PCDHGA4: variants seen among roughly 807,000 people sequenced by gnomAD.
PCDHGA4 encodes protocadherin gamma-A4.
Under a neutral mutation model 54.6 loss-of-function variants are expected in PCDHGA4, and 38 were observed. The observed-to-expected ratio is 0.70, with a 90% CI of 0.54 to 0.91. The LOEUF is 0.91. Ranked by LOEUF, PCDHGA4 falls within the 40% of genes least tolerant of loss-of-function variation. PCDHGA4 has a pLI of 0.00. For synonymous variants in PCDHGA4, 511 were observed against 512.9 expected (o/e 1.00, Z 0.05); for missense variants, 1,298 against 1,220.9 (o/e 1.06, Z -0.94).
At chr5:141,423,497 A>G in intron 1 of PCDHGA4, 4 of 1,613,940 alleles carry the variant, frequency 2.5e-6, no homozygotes, top group Non-Finnish European at 3.4e-6. Flanking sequence ...TATTCCCACG[A>G]GGTCTCTCTC....
At chr5:141,441,948 G>A in intron 1 of PCDHGA4, 1 of 332,472 alleles carries the variant, frequency 3.0e-6, no homozygotes, top group Non-Finnish European at 5.8e-6. Flanking sequence ...ACGTGCTGCA[G>A]GCCAGCAAGC....
At chr5:141,427,422 G>C (rs922637577) in intron 1 of PCDHGA4, 1 of 468,292 alleles carries the variant, frequency 2.1e-6, no homozygotes, top group Non-Finnish European at 4.3e-6. Context: ...AAATGGGGAG[G>C]TTACATGCCT....
At position 141,372,540 on chromosome 5, in the gene PCDHGA4, C is replaced by G. The variant is rs1208837944; in HGVS notation, c.2514+14919C>G. On this transcript the variant is annotated intron_variant, in intron 1 of 3. Transcript: ENST00000571252. Reference sequence around the variant, plus strand: ...GATTCTGGCAATCTCCCTGCGCCTGCGATGCTCCTCCAGACCCGCCACTGA... The same window carrying G: ...GATTCTGGCAATCTCCCTGCGCCTGGGATGCTCCTCCAGACCCGCCACTGA... The G allele has an allele frequency of 1.9e-6, 3 of 1,614,012 alleles. No homozygotes were observed. The highest frequency in any genetic ancestry group is 3.3e-5 in the Admixed American group (2 of 60,026).
intron 1 of PCDHGA4, chr5:141,403,959 C>T (rs1415465011): frequency 2.5e-6 from 4 of 1,613,568 alleles, no homozygotes; most frequent in Non-Finnish European, 3.4e-6. Context: ...GTGCTCATTT[C>T]GGTGGAAGAT....
At position 141,399,013 on chromosome 5, in the gene PCDHGA4, G is replaced by A. The variant is rs145783835; in HGVS notation, c.2514+41392G>A. 9.5e-3 allele frequency: 15,345 copies of A among 1,613,900 alleles called. 158 individuals are homozygous for A. Among genetic ancestry groups the A allele is most frequent in the South Asian group, 0.02 (1,850 of 91,076 alleles). On this transcript the variant is annotated intron_variant, in intron 1 of 3. Coordinates refer to ENST00000571252, the MANE Select transcript of PCDHGA4 (RefSeq NM_018917.4). ...CTTTAGTCTGAATTCAAAGAGCGGA[G>A]AAATTACCACTCAAAAGAAACTGGA...
At position 141,431,435 on chromosome 5, in the gene PCDHGA4, G is replaced by A. The variant is rs376827063; in HGVS notation, c.2515-63372G>A. ...GGGCGACCCGGTGCGCACAGGCACC[G>A]CGCGCATCCGCGTGATGGTTCTGGA... On this transcript the variant is annotated intron_variant, in intron 1 of 3. Coordinates refer to ENST00000571252, the MANE Select transcript of PCDHGA4 (RefSeq NM_018917.4). The surrounding 1 kb of genome is among the most constrained non-coding windows in gnomAD (Gnocchi z 4.8). 2.5e-6 allele frequency: 4 copies of A among 1,613,550 alleles called. No homozygotes were observed. Among genetic ancestry groups the A allele is most frequent in the Non-Finnish European group, 3.4e-6 (4 of 1,180,034 alleles).
intron 2 of PCDHGA4, among the ~76,000 whole-genome samples, chr5:141,502,496 C>T (rs934563545): frequency 2.0e-5 from 3 of 152,178 alleles, no homozygotes; most frequent in Admixed American, 6.5e-5. Context: ...ACTCATCTAA[C>T]GTCGGCCTGT....
At chr5:141,482,458 C>T (rs986628162) in intron 1 of PCDHGA4, among the ~76,000 whole-genome samples, 1 of 147,624 alleles carries the variant, frequency 6.8e-6, no homozygotes, top group Non-Finnish European at 1.5e-5. Context: ...ATTAGCATCC[C>T]TATGTGCCAG....
At chr5:141,500,667 TC>T (rs1032555959) in intron 2 of PCDHGA4, among the ~76,000 whole-genome samples, 26 of 152,194 alleles carry the variant, frequency 1.7e-4, no homozygotes, top group African/African-American at 6.0e-4. Flanking sequence ...GGCCATACTG[TC>T]CAACAGAATT....
At position 141,432,908 on chromosome 5, in the gene PCDHGA4, C is replaced by A. The variant is rs757934634; in HGVS notation, c.2515-61899C>A. On this transcript the variant is annotated intron_variant, in intron 1 of 3. Coordinates refer to ENST00000571252, the MANE Select transcript of PCDHGA4 (RefSeq NM_018917.4). This position sits in a 1 kb window ranked among gnomAD's most constrained non-coding sequence, Gnocchi z 6.0. ...CATCTTGCTGCTGGCGCTCAGGCTGCGGCGCTGGCACAAGTCACGCCTGCT... is the reference window on the plus strand; with the variant it reads ...CATCTTGCTGCTGGCGCTCAGGCTGAGGCGCTGGCACAAGTCACGCCTGCT... The A allele has an allele frequency of 1.6e-5, 26 of 1,614,168 alleles. No individual in the cohort carries two copies. Among genetic ancestry groups the A allele is most frequent in the Middle Eastern group, 1.7e-4 (1 of 6,060 alleles).
chr5:141,433,367 C>CTATA, intron 1 of PCDHGA4: 2 of 549,818 alleles, frequency 3.6e-6, no homozygotes, highest in South Asian at 4.5e-5. Flanking sequence ...GCCTATCTAT[C>CTATA]TATCTATCTA....
Position 141,415,740 on chromosome 5 carries a change from G to GTTTTTT in PCDHGA4, c.2514+58146_2514+58151dup, listed in dbSNP as rs57426385. ...TGAGTAGAATTTGATGTTTATTAAGGTTTTTTTTTTTTTTTTTTTTTTTTT... is the reference window on the plus strand; with the variant it reads ...TGAGTAGAATTTGATGTTTATTAAGGTTTTTTTTTTTTTTTTTTTTTTTTTTTTTTT... On this transcript the variant is annotated intron_variant, in intron 1 of 3. Transcript: ENST00000571252. 6.6e-4 allele frequency: 412 copies of GTTTTTT among 624,836 alleles called. 3 individuals carry two copies. The highest frequency in any genetic ancestry group is 1.2e-3 in the African/African-American group (49 of 39,912). The allele number at this position is 624,836 out of a possible 1,614,324, so 38.7% of individuals were successfully genotyped here.
In PCDHGA4 at chr5:141,511,188, C is replaced by A; in HGVS notation, c.*15C>A. 1 of 1,613,804 alleles carries A rather than the reference C, an allele frequency of 6.2e-7. No homozygotes were observed. ...AGAAGAAGTAACATGGAGGCCAGGC[C>A]AAGAGCCACAGGGCGGCCTCTCCCC... On this transcript the variant is annotated 3_prime_UTR_variant, in exon 4 of 4. Transcript: ENST00000571252.
intron 1 of PCDHGA4, chr5:141,422,942 G>C (rs199976232): frequency 6.2e-7 from 1 of 1,614,214 alleles, no homozygotes; most frequent in East Asian, 2.2e-5. Flanking sequence ...CCCACAGACG[G>C]CTCCACTGGC....
chr5:141,451,497 G>T (rs2098717489), intron 1 of PCDHGA4, among the ~76,000 whole-genome samples: 1 of 152,214 alleles, frequency 6.6e-6, no homozygotes, highest in Admixed American at 6.5e-5. Flanking sequence ...CCTCCATAGG[G>T]CAACCAGCTT....
chr5:141,416,699 T>C (rs1232694721), intron 1 of PCDHGA4: 1 of 152,092 alleles, frequency 6.6e-6, no homozygotes, highest in Non-Finnish European at 1.5e-5. Context: ...AAACAAAGGA[T>C]CATTGGAGGT....
chr5:141,384,530 G>A, intron 1 of PCDHGA4: 6 of 1,614,238 alleles, frequency 3.7e-6, no homozygotes, highest in Non-Finnish European at 5.1e-6. Flanking sequence ...CCTCTCAGCA[G>A]CAACATGTCA....
chr5:141,500,989 C>T (rs779352768), intron 2 of PCDHGA4, among the ~76,000 whole-genome samples: 1 of 152,040 alleles, frequency 6.6e-6, no homozygotes, highest in Non-Finnish European at 1.5e-5. Context: ...CTGCCTCAGC[C>T]TCCTGAGTAG....
In PCDHGA4 at chr5:141,476,336, C is replaced by A; in HGVS notation, c.2515-18471C>A. 18 of 1,614,008 alleles carry A rather than the reference C, an allele frequency of 1.1e-5. No homozygotes were observed. Among genetic ancestry groups the A allele is most frequent in the Non-Finnish European group, 1.5e-5 (18 of 1,180,008 alleles). ...GTTCCGGGTGGTGTCTGGAGCTAGC[C>A]GAAGATTCTTTGAGGTGAACCGGGA... On this transcript the variant is annotated intron_variant, in intron 1 of 3. Coordinates refer to ENST00000571252, the MANE Select transcript of PCDHGA4 (RefSeq NM_018917.4). The surrounding 1 kb of genome is among the most constrained non-coding windows in gnomAD (Gnocchi z 7.6).
Sources: allele counts gnomAD v4.1 joint callset (sites outside exome capture counted in the v4.1 genomes callset), GRCh38; gene constraint gnomAD v4.1.1; non-coding constraint Gnocchi (gnomAD v3.1); transcripts MANE v1.5; gene names NCBI Gene and HGNC (gene_info 2026-07-23, HGNC 2026-07-21).